The following EEFSEC variants were observed in gnomAD, a reference collection of about 807,000 sequenced individuals.
EEFSEC encodes selenocysteine-specific elongation factor.
A neutral mutation model predicts 42.1 loss-of-function variants in EEFSEC; 43 were observed. That is an observed-to-expected ratio of 1.02 (90% confidence interval 0.80 to 1.32). EEFSEC has a LOEUF of 1.32. Among genes scored for constraint, EEFSEC ranks in the 40% most tolerant of loss-of-function variants. The pLI, the probability that EEFSEC is intolerant of heterozygous loss-of-function variation, is 0.00. For missense variants in EEFSEC, 745 were observed against 803.6 expected (o/e 0.93, Z 0.88); for synonymous variants, 354 against 339.1 (o/e 1.04, Z -0.48).
At chr3:128,410,727 G>A (rs898567837), downstream of EEFSEC, among the ~76,000 whole-genome samples, 1 of 152,158 alleles carries the variant, frequency 6.6e-6, no homozygotes, top group Non-Finnish European at 1.5e-5. Flanking sequence ...CGGCCCTAGG[G>A]TGGGCCCCAC....
At chr3:128,237,135 T>C (rs1342773043) in intron 1 of EEFSEC, among the ~76,000 whole-genome samples, 1 of 152,252 alleles carries the variant, frequency 6.6e-6, no homozygotes, top group Admixed American at 6.5e-5. Flanking sequence ...TATTTCCAAT[T>C]TGAAATATTA....
chr3:128,245,033 C>T (rs956612263), intron 1 of EEFSEC, among the ~76,000 whole-genome samples: 1 of 152,232 alleles, frequency 6.6e-6, no homozygotes, highest in Non-Finnish European at 1.5e-5. Context: ...TGCTGCTTGG[C>T]TGGGTCAAAG....
intron 6 of EEFSEC, chr3:128,362,123 CA>C (rs2067533157): frequency 2.3e-6 from 1 of 432,252 alleles, no homozygotes; most frequent in Non-Finnish European, 4.8e-6. Flanking sequence ...AGAAGCACTG[CA>C]CCTGGGAGGC....
At chr3:128,344,804 G>A (rs1022804947) in intron 5 of EEFSEC, among the ~76,000 whole-genome samples, 2 of 152,302 alleles carry the variant, frequency 1.3e-5, no homozygotes, top group South Asian at 2.1e-4. Flanking sequence ...TCATTCCTTC[G>A]AAGGATGGTC....
At chr3:128,155,101 G>A (rs993854098) in intron 1 of EEFSEC, among the ~76,000 whole-genome samples, 7 of 151,864 alleles carry the variant, frequency 4.6e-5, no homozygotes, top group East Asian at 1.9e-4. Context: ...GAAAAGACCC[G>A]TTTTTTGTTT....
intron 1 of EEFSEC, among the ~76,000 whole-genome samples, chr3:128,213,069 C>T (rs1386223879): frequency 6.6e-6 from 1 of 152,218 alleles, no homozygotes; most frequent in African/African-American, 2.4e-5. Flanking sequence ...GCCCACCACA[C>T]CTTCTGCATT....
At chr3:128,210,570 C>T (rs1025130949) in intron 1 of EEFSEC, among the ~76,000 whole-genome samples, 5 of 152,172 alleles carry the variant, frequency 3.3e-5, no homozygotes, top group Non-Finnish European at 5.9e-5. Context: ...TGGTAGAGTG[C>T]TTGGGATAAC....
the EEFSEC span, among the ~76,000 whole-genome samples, chr3:128,424,967 T>A: frequency 1.3e-5 from 2 of 151,968 alleles, no homozygotes; most frequent in Admixed American, 6.5e-5. Context: ...GGTCAGGGCC[T>A]CTCACCAAGC....
intron 1 of EEFSEC, among the ~76,000 whole-genome samples, chr3:128,209,373 G>A (rs951825442): frequency 6.6e-6 from 1 of 152,170 alleles, no homozygotes; most frequent in South Asian, 2.1e-4. Flanking sequence ...GAAATGGTGG[G>A]TTTGTGTGTC....
intron 1 of EEFSEC, among the ~76,000 whole-genome samples, chr3:128,177,364 GTCC>G (rs2065360530): frequency 6.6e-6 from 1 of 152,060 alleles, no homozygotes; most frequent in Non-Finnish European, 1.5e-5. Flanking sequence ...TGTTGGGGGT[GTCC>G]TCCTTTCAAT....
At chr3:128,337,454 G>T (rs2067202580) in intron 4 of EEFSEC, among the ~76,000 whole-genome samples, 1 of 152,214 alleles carries the variant, frequency 6.6e-6, no homozygotes, top group Non-Finnish European at 1.5e-5. Context: ...GGAGGGGGAA[G>T]GGGCATCAGG....
At chr3:128,173,953 G>C (rs2065323415) in intron 1 of EEFSEC, among the ~76,000 whole-genome samples, 1 of 152,222 alleles carries the variant, frequency 6.6e-6, no homozygotes, top group Non-Finnish European at 1.5e-5. Context: ...TGGATGGCCT[G>C]CTCTCTTCCA....
chr3:128,262,296 C>G (rs1052407806), intron 3 of EEFSEC, 72 bp downstream of exon 3: 6 of 1,380,990 alleles, frequency 4.3e-6, no homozygotes, highest in Admixed American at 1.8e-5. Context: ...GTGTCCCTCT[C>G]TCCCCTGAGA....
At chr3:128,245,751 C>T (rs758640253) in intron 1 of EEFSEC, among the ~76,000 whole-genome samples, 1 of 152,080 alleles carries the variant, frequency 6.6e-6, no homozygotes, top group Non-Finnish European at 1.5e-5. Flanking sequence ...TGTGAGTCTC[C>T]GTTTCTTCAT....
chr3:128,154,137 A>G (rs913459634), intron 1 of EEFSEC, among the ~76,000 whole-genome samples: 2 of 152,076 alleles, frequency 1.3e-5, no homozygotes, highest in Non-Finnish European at 2.9e-5. Flanking sequence ...AAAACTCAAA[A>G]TAAGAAAACT....
chr3:128,209,683 C>T (rs996535271), intron 1 of EEFSEC, among the ~76,000 whole-genome samples: 9 of 152,176 alleles, frequency 5.9e-5, no homozygotes, highest in Non-Finnish European at 1.3e-4. Flanking sequence ...AATAAACACA[C>T]GTATGTACAC....
At chr3:128,356,346 C>T (rs1309235820) in intron 5 of EEFSEC, among the ~76,000 whole-genome samples, 1 of 152,136 alleles carries the variant, frequency 6.6e-6, no homozygotes, top group African/African-American at 2.4e-5. Context: ...TCTTATTTCT[C>T]AGTCAGATGT....
chr3:128,233,546 T>C (rs891241427), intron 1 of EEFSEC, among the ~76,000 whole-genome samples: 1 of 152,246 alleles, frequency 6.6e-6, no homozygotes, highest in African/African-American at 2.4e-5. Flanking sequence ...CAGCCCTTGC[T>C]CTCAGGAAGT....
At chr3:128,400,684 G>A (rs1314209310) in intron 6 of EEFSEC, among the ~76,000 whole-genome samples, 3 of 152,242 alleles carry the variant, frequency 2.0e-5, no homozygotes, top group Non-Finnish European at 4.4e-5. Flanking sequence ...CCACCAGCGT[G>A]GAGACCCCTC....
Sources: allele counts gnomAD v4.1 joint callset (sites outside exome capture counted in the v4.1 genomes callset), GRCh38; gene constraint gnomAD v4.1.1; transcripts MANE v1.5; gene names NCBI Gene and HGNC (gene_info 2026-07-23, HGNC 2026-07-21).